The following LDB2 variants were observed in gnomAD, a reference collection of about 807,000 sequenced individuals.
The protein encoded by LDB2 is LIM domain binding 2, also known as LIM domain-binding protein 2.
In LDB2, 12 loss-of-function variants were observed where a neutral mutation model predicts 44.3. The observed-to-expected ratio is 0.27, with a 90% CI of 0.17 to 0.44. The LOEUF (loss-of-function observed/expected upper bound fraction) is 0.44. Ranked by LOEUF, LDB2 falls within the 20% of genes least tolerant of loss-of-function variation. The probability of loss-of-function intolerance (pLI) is 1.00; values close to 1 mark genes in which losing one functional copy is unlikely to be tolerated. For missense variants in LDB2, 344 were observed against 473.5 expected, an observed-to-expected ratio of 0.73 and a Z score of 2.54; for synonymous variants, 164 against 174.8, an observed-to-expected ratio of 0.94 and a Z score of 0.49.
At chr4:16,625,154 T>C (rs1421316463) in intron 2 of LDB2, among the ~76,000 whole-genome samples, 1 of 152,058 alleles carries the variant, frequency 6.6e-6, no homozygotes, top group African/African-American at 2.4e-5. Context: ...ATCTCATACC[T>C]CTCTCTAAGT....
chr4:16,607,311 A>T (rs1484618015), intron 2 of LDB2, among the ~76,000 whole-genome samples: 2 of 152,098 alleles, frequency 1.3e-5, no homozygotes, highest in African/African-American at 4.8e-5. Flanking sequence ...GCCTTGCTTC[A>T]TCTCTTCTGT....
At position 16,872,971 on chromosome 4, in the gene LDB2, G is replaced by A. The variant is rs191714126; in HGVS notation, c.132+25383C>T. 3.7e-4 allele frequency among the ~76,000 whole-genome samples: 56 copies of A among 152,272 alleles called. No homozygotes were observed. The Middle Eastern group carries it at 0.01, about 28-fold the overall frequency. On this transcript the variant is annotated intron_variant, in intron 1 of 7. Coordinates refer to ENST00000304523, the MANE Select transcript of LDB2 (RefSeq NM_001290.5). ...TAAGTCCAATTCTAAGAGTCCCATT[G>A]ACAGCCCAGTGACAGGGGAAAGCAA...
At chr4:16,525,755 T>A (rs1264352299) in intron 5 of LDB2, among the ~76,000 whole-genome samples, 1 of 152,170 alleles carries the variant, frequency 6.6e-6, no homozygotes, top group Non-Finnish European at 1.5e-5. Flanking sequence ...TGTCAGGTAG[T>A]GATAAGTACC....
intron 2 of LDB2, among the ~76,000 whole-genome samples, chr4:16,682,042 G>A (rs1748080371): frequency 6.6e-6 from 1 of 152,098 alleles, no homozygotes; most frequent in Non-Finnish European, 1.5e-5. Context: ...TTTTCCAGGT[G>A]ACTACATACC....
chr4:16,856,455 T>C (rs776428254), intron 1 of LDB2, among the ~76,000 whole-genome samples: 1 of 152,160 alleles, frequency 6.6e-6, no homozygotes, highest in Non-Finnish European at 1.5e-5. Flanking sequence ...GCTGTGTCCA[T>C]TACAGAGGTT....
chr4:16,530,430 C>G (rs1345911096), intron 5 of LDB2, among the ~76,000 whole-genome samples: 2 of 152,188 alleles, frequency 1.3e-5, no homozygotes, highest in Non-Finnish European at 2.9e-5. Flanking sequence ...TTTCTGTTTT[C>G]CAATGCTGTT....
At position 16,582,108 on chromosome 4, in the gene LDB2, C is replaced by T. The variant is rs895387921; in HGVS notation, c.615+3814G>A. On this transcript the variant is annotated intron_variant, in intron 5 of 7. Coordinates refer to ENST00000304523, the MANE Select transcript of LDB2 (RefSeq NM_001290.5). The surrounding 1 kb of genome is among the most constrained non-coding windows in gnomAD (Gnocchi z 4.8). Reference sequence around the variant, plus strand: ...AGCAATGCCTGGCACATAGTAAGTGCCCCAGAAATGTTAGCTAGTGCTATG... The same window carrying T: ...AGCAATGCCTGGCACATAGTAAGTGTCCCAGAAATGTTAGCTAGTGCTATG... Among the ~76,000 whole-genome samples, 1 of 152,022 alleles carries T rather than the reference C, an allele frequency of 6.6e-6. No homozygotes were observed. Among genetic ancestry groups the T allele is most frequent in the Non-Finnish European group, 1.5e-5 (1 of 68,000 alleles).
intron 2 of LDB2, among the ~76,000 whole-genome samples, chr4:16,650,429 T>A (rs1488897187): frequency 6.6e-6 from 1 of 152,180 alleles, no homozygotes; most frequent in Admixed American, 6.6e-5. Flanking sequence ...GAGTTGACTA[T>A]GTTTTGGGTT....
chr4:16,649,912 A>T (rs1429182774), intron 2 of LDB2, among the ~76,000 whole-genome samples: 1 of 152,182 alleles, frequency 6.6e-6, no homozygotes, highest in Non-Finnish European at 1.5e-5. Flanking sequence ...GGCTGAGAAA[A>T]TATCCGCAAG....
chr4:16,749,571 A>T (rs1293586115), intron 2 of LDB2, among the ~76,000 whole-genome samples: 1 of 136,772 alleles, frequency 7.3e-6, no homozygotes, highest in African/African-American at 3.0e-5. Flanking sequence ...AAAAAAAAAA[A>T]ATAAAAAAAT....
intron 1 of LDB2, among the ~76,000 whole-genome samples, chr4:16,792,803 T>C (rs377327884): frequency 1.2e-4 from 19 of 152,342 alleles, no homozygotes; most frequent in African/African-American, 4.6e-4. Context: ...CAGGAAGCTT[T>C]AACAAGAGGA....
intron 1 of LDB2, 46 bp from the exon 2 acceptor site, chr4:16,759,306 A>G (rs1363723986): frequency 4.5e-6 from 6 of 1,345,990 alleles, no homozygotes; most frequent in East Asian, 2.3e-5. Flanking sequence ...AGTGGGAAAT[A>G]TCTCAAAGAG....
intron 5 of LDB2, among the ~76,000 whole-genome samples, chr4:16,534,362 G>A (rs192494546): frequency 1.3e-5 from 2 of 152,068 alleles, no homozygotes; most frequent in South Asian, 2.1e-4. Flanking sequence ...TTTTAGAAAC[G>A]AACTTTTACC....
At chr4:16,553,609 T>C (rs952569537) in intron 5 of LDB2, among the ~76,000 whole-genome samples, 1 of 152,236 alleles carries the variant, frequency 6.6e-6, no homozygotes. Flanking sequence ...TAGGTACTAA[T>C]GGAATTGGTA....
chr4:16,766,508 ATATT>A (rs768819071), intron 1 of LDB2, among the ~76,000 whole-genome samples: 1 of 57,006 alleles, frequency 1.8e-5, no homozygotes, highest in Admixed American at 1.6e-4. Context: ...GTGTGTGTAT[ATATT>A]TTTTTTTTTT....
At chr4:16,834,989 T>C (rs1784667018) in intron 1 of LDB2, among the ~76,000 whole-genome samples, 2 of 152,286 alleles carry the variant, frequency 1.3e-5, no homozygotes, top group East Asian at 3.9e-4. Context: ...CTGAAATTCA[T>C]AGAGGAAATA....
chr4:16,873,182 A>G (rs981911204), intron 1 of LDB2, among the ~76,000 whole-genome samples: 1 of 152,214 alleles, frequency 6.6e-6, no homozygotes, highest in Non-Finnish European at 1.5e-5. Context: ...GAGCCTTGGG[A>G]TGATAAGCTC....
At chr4:16,736,658 T>C (rs888464976) in intron 2 of LDB2, among the ~76,000 whole-genome samples, 2 of 152,208 alleles carry the variant, frequency 1.3e-5, no homozygotes, top group Non-Finnish European at 2.9e-5. Flanking sequence ...TATCAAACTG[T>C]GCAGGTTTGG....
intron 2 of LDB2, among the ~76,000 whole-genome samples, chr4:16,711,021 A>T (rs2152659872): frequency 6.6e-6 from 1 of 152,354 alleles, no homozygotes; most frequent in African/African-American, 2.4e-5. Flanking sequence ...ATTTCAAAAC[A>T]TACATTAATC....
Sources: allele counts gnomAD v4.1 joint callset (sites outside exome capture counted in the v4.1 genomes callset), GRCh38; gene constraint gnomAD v4.1.1; non-coding constraint Gnocchi (gnomAD v3.1); transcripts MANE v1.5; gene names NCBI Gene and HGNC (gene_info 2026-07-23, HGNC 2026-07-21).